IKZF2: variants seen among roughly 807,000 people sequenced by gnomAD.
IKZF2 encodes IKAROS family zinc finger 2.
A neutral mutation model predicts 49.2 loss-of-function variants in IKZF2; 15 were observed. The observed-to-expected ratio is 0.30, with a 90% CI of 0.20 to 0.47. The LOEUF (loss-of-function observed/expected upper bound fraction) is 0.47, where lower values mean the gene tolerates loss of function less well. IKZF2 is among the 20% of genes least tolerant of loss of function. IKZF2 has a pLI of 1.00. For missense variants in IKZF2, 567 were observed against 664.6 expected, an observed-to-expected ratio of 0.85 and a Z score of 1.61; for synonymous variants, 227 against 221.4, an observed-to-expected ratio of 1.03 and a Z score of -0.23.
At chr2:213,058,748 G>A (rs902540192) in intron 4 of IKZF2, among the ~76,000 whole-genome samples, 3 of 151,852 alleles carry the variant, frequency 2.0e-5, no homozygotes, top group Admixed American at 2.0e-4. Flanking sequence ...TCACTGAGAT[G>A]TTTTACTAAC....
intron 4 of IKZF2, among the ~76,000 whole-genome samples, chr2:213,095,410 A>G (rs1003837559): frequency 6.6e-6 from 1 of 152,122 alleles, no homozygotes; most frequent in Non-Finnish European, 1.5e-5. Flanking sequence ...TTGACCAATT[A>G]GATGGGAATC....
chr2:213,124,242 GCGCGCGCGCGCACACA>G (rs1381057743), intron 4 of IKZF2, among the ~76,000 whole-genome samples: 1 of 96,312 alleles, frequency 1.0e-5, no homozygotes, highest in African/African-American at 5.7e-5. Flanking sequence ...ACATGCGCTC[GCGCGCGCGCGCACACA>G]CACACACACA....
intron 4 of IKZF2, among the ~76,000 whole-genome samples, chr2:213,095,460 T>C (rs898288519): frequency 2.6e-5 from 4 of 151,946 alleles, no homozygotes; most frequent in Non-Finnish European, 5.9e-5. Context: ...ATATGTAAAG[T>C]CAAATGTCTT....
chr2:213,135,468 C>T (rs1380754830), intron 4 of IKZF2, among the ~76,000 whole-genome samples: 1 of 152,056 alleles, frequency 6.6e-6, no homozygotes, highest in East Asian at 1.9e-4. Context: ...GGGAGAATCA[C>T]TTGAGGCCAG....
At chr2:213,079,542 A>G (rs1417982872) in intron 4 of IKZF2, among the ~76,000 whole-genome samples, 1 of 144,746 alleles carries the variant, frequency 6.9e-6, no homozygotes. Context: ...GAGGGAGGGA[A>G]GGAAGGAGAA....
chr2:213,025,241 T>A (rs1480518130), intron 6 of IKZF2, among the ~76,000 whole-genome samples: 1 of 152,148 alleles, frequency 6.6e-6, no homozygotes, highest in East Asian at 1.9e-4. Context: ...ATGCATCCCT[T>A]CAGATATTGT....
At chr2:213,141,329 A>G (rs1414808151) in intron 4 of IKZF2, among the ~76,000 whole-genome samples, 1 of 151,914 alleles carries the variant, frequency 6.6e-6, no homozygotes, top group African/African-American at 2.4e-5. Context: ...CCACATTGTA[A>G]TCAAATCGAT....
rs974276836 is a variant in IKZF2 at position 213,119,211 on chromosome 2, GT to G, written c.139+28496del. 3.9e-4 allele frequency among the ~76,000 whole-genome samples: 60 copies of G among 152,190 alleles called. No individual in the cohort carries two copies. The East Asian group carries it at 4.1e-3, about 10-fold the overall frequency. Reference sequence around the variant, plus strand: ...AAGGGAAGTGGGTTTGCAAATGGAAGTGCTAAGAAAGAAAAAAAGAATAGTA... The same window carrying G: ...AAGGGAAGTGGGTTTGCAAATGGAAGGCTAAGAAAGAAAAAAAGAATAGTA... On this transcript the variant is annotated intron_variant, in intron 4 of 8. Coordinates refer to ENST00000434687, the MANE Select transcript of IKZF2 (RefSeq NM_001387220.1).
At chr2:213,050,333 G>A (rs1274135633) in intron 5 of IKZF2, among the ~76,000 whole-genome samples, 1 of 152,166 alleles carries the variant, frequency 6.6e-6, no homozygotes, top group Non-Finnish European at 1.5e-5. Context: ...AGTAGTCAAG[G>A]TGAGAAATGA....
intron 4 of IKZF2, among the ~76,000 whole-genome samples, chr2:213,133,501 T>C (rs1238171404): frequency 6.6e-6 from 1 of 151,972 alleles, no homozygotes; most frequent in Non-Finnish European, 1.5e-5. Context: ...GAGGCTGAGG[T>C]AGGCAGATTA....
rs567454450 is a variant in IKZF2 at position 213,056,812 on chromosome 2, G to A, written c.406+21C>T. ...ATCAGATGTCACAGGCAGTCATCAG[G>A]TTATTCTTTCAGCTGCTTACCAGTG... On this transcript the variant is annotated intron_variant, in intron 5 of 8. Coordinates refer to ENST00000434687, the MANE Select transcript of IKZF2 (RefSeq NM_001387220.1). The A allele has an allele frequency of 3.5e-5, 56 of 1,613,072 alleles. No individual in the cohort carries two copies. In the East Asian group the frequency reaches 1.2e-3, roughly 33 times the overall value.
intron 4 of IKZF2, among the ~76,000 whole-genome samples, chr2:213,092,547 TC>T (rs1705470373): frequency 6.6e-6 from 1 of 152,080 alleles, no homozygotes; most frequent in African/African-American, 2.4e-5. Flanking sequence ...ACAATGTTAG[TC>T]CCCCCTGTGA....
At chr2:213,095,594 A>G (rs1705882621) in intron 4 of IKZF2, among the ~76,000 whole-genome samples, 1 of 152,118 alleles carries the variant, frequency 6.6e-6, no homozygotes, top group Non-Finnish European at 1.5e-5. Flanking sequence ...ATTTAACCAC[A>G]GGTATACCAT....
At chr2:213,024,088 C>T (rs1192007748) in intron 6 of IKZF2, among the ~76,000 whole-genome samples, 2 of 152,086 alleles carry the variant, frequency 1.3e-5, no homozygotes, top group South Asian at 4.1e-4. Flanking sequence ...TTCAGCTTCT[C>T]CCATTTTGTC....
At chr2:213,052,568 GTTT>G (rs1700774370) in intron 5 of IKZF2, among the ~76,000 whole-genome samples, 1 of 151,914 alleles carries the variant, frequency 6.6e-6, no homozygotes, top group African/African-American at 2.4e-5. Context: ...GAGTCCACTT[GTTT>G]TATTGTGTTC....
At chr2:213,072,954 T>A (rs1306085020) in intron 4 of IKZF2, among the ~76,000 whole-genome samples, 2 of 152,154 alleles carry the variant, frequency 1.3e-5, no homozygotes, top group African/African-American at 4.8e-5. Flanking sequence ...GGTCAATCAA[T>A]GTTTCCCTTT....
intron 4 of IKZF2, among the ~76,000 whole-genome samples, chr2:213,136,486 C>A (rs186820573): frequency 6.6e-6 from 1 of 151,028 alleles, no homozygotes; most frequent in Admixed American, 6.6e-5. Flanking sequence ...TTCAATAAAT[C>A]TGAAGATATC....
At chr2:213,078,177 A>T (rs1286976384) in intron 4 of IKZF2, among the ~76,000 whole-genome samples, 5 of 152,218 alleles carry the variant, frequency 3.3e-5, no homozygotes, top group Non-Finnish European at 7.3e-5. Context: ...ATTATTTTAG[A>T]AGGGTAGAGA....
At chr2:213,124,256 A>ACGCG (rs1375751992) in intron 4 of IKZF2, among the ~76,000 whole-genome samples, 21 of 81,110 alleles carry the variant, frequency 2.6e-4, no homozygotes, top group Non-Finnish European at 4.9e-4. Flanking sequence ...GCGCGCGCAC[A>ACGCG]CACACACACA....
Sources: allele counts gnomAD v4.1 joint callset (sites outside exome capture counted in the v4.1 genomes callset), GRCh38; gene constraint gnomAD v4.1.1; transcripts MANE v1.5; gene names NCBI Gene and HGNC (gene_info 2026-07-23, HGNC 2026-07-21).